SEL1L2: variants seen among roughly 807,000 people sequenced by gnomAD.
SEL1L2 encodes the protein protein sel-1 homolog 2.
In SEL1L2, 89 loss-of-function variants were observed where a neutral mutation model predicts 98.8. The observed-to-expected ratio is 0.90, with a 90% CI of 0.76 to 1.07. SEL1L2 has a LOEUF of 1.07. Ranked by LOEUF, SEL1L2 falls within the 50% of genes least tolerant of loss-of-function variation. The pLI, the probability that SEL1L2 is intolerant of heterozygous loss-of-function variation, is 0.00. For synonymous variants in SEL1L2, 262 were observed against 278.5 expected (o/e 0.94, Z 0.59); for missense variants, 788 against 812.0 (o/e 0.97, Z 0.36).
chr20:13,958,922 C>CAA (rs34641853), intron 1 of SEL1L2, among the ~76,000 whole-genome samples: 3,201 of 116,456 alleles, frequency 0.027, 70 homozygotes, highest in Non-Finnish European at 0.042. Context: ...GACTCTGTCT[C>CAA]AAAAAAAAAA....
At chr20:13,895,674 A>C (rs1319767147) in intron 5 of SEL1L2, among the ~76,000 whole-genome samples, 2 of 152,372 alleles carry the variant, frequency 1.3e-5, no homozygotes, top group African/African-American at 2.4e-5. Context: ...AATGCTTTCT[A>C]AGATCAGGAT....
chr20:13,863,091 T>C (rs995792786), intron 17 of SEL1L2, among the ~76,000 whole-genome samples: 8 of 152,098 alleles, frequency 5.3e-5, no homozygotes, highest in African/African-American at 1.4e-4. Context: ...CAAGAACTTA[T>C]AAGAATGGTG....
At chr20:13,870,599 G>A (rs1237925353) in intron 12 of SEL1L2, among the ~76,000 whole-genome samples, 1 of 152,126 alleles carries the variant, frequency 6.6e-6, no homozygotes, top group Admixed American at 6.5e-5. Flanking sequence ...ACCTCTTAGA[G>A]TCCTGTCAAA....
intron 18 of SEL1L2, among the ~76,000 whole-genome samples, chr20:13,856,097 G>A (rs919009503): frequency 6.6e-6 from 1 of 152,056 alleles, no homozygotes; most frequent in Non-Finnish European, 1.5e-5. Context: ...TGCAATTTCC[G>A]AAGTACTTAC....
intron 4 of SEL1L2, among the ~76,000 whole-genome samples, chr20:13,918,491 G>A (rs2048507733): frequency 6.6e-6 from 1 of 152,150 alleles, no homozygotes; most frequent in Non-Finnish European, 1.5e-5. Flanking sequence ...TCACCTCCCA[G>A]CTATCTGTGC....
At chr20:13,893,374 T>C (rs1169795575) in intron 5 of SEL1L2, among the ~76,000 whole-genome samples, 1 of 152,200 alleles carries the variant, frequency 6.6e-6, no homozygotes, top group African/African-American at 2.4e-5. Context: ...GCCCTACTTA[T>C]ATCAGAGAAA....
rs148661578 is a variant in SEL1L2 at position 13,898,106 on chromosome 20, A to G, written c.550-9594T>C. Reference sequence around the variant, plus strand: ...TAAAAAATTAAAAAATATAATTATCATATGATCCAGCAATTCTACTTCTGG... The same window carrying G: ...TAAAAAATTAAAAAATATAATTATCGTATGATCCAGCAATTCTACTTCTGG... On this transcript the variant is annotated intron_variant, in intron 5 of 19. Transcript: ENST00000284951. Among the ~76,000 whole-genome samples, 583 of 152,328 alleles carry G rather than the reference A, an allele frequency of 3.8e-3. 8 individuals carry two copies. The highest frequency in any genetic ancestry group is 0.035 in the Admixed American group (535 of 15,290).
At chr20:13,971,715 G>A (rs535398263) in intron 1 of SEL1L2, among the ~76,000 whole-genome samples, 19 of 152,166 alleles carry the variant, frequency 1.2e-4, no homozygotes, top group Non-Finnish European at 1.6e-4. Flanking sequence ...GATTACAGGC[G>A]TGAGCCACCG....
At chr20:13,981,381 G>T (rs2051824314) in intron 1 of SEL1L2, among the ~76,000 whole-genome samples, 1 of 152,186 alleles carries the variant, frequency 6.6e-6, no homozygotes, top group Admixed American at 6.5e-5. Flanking sequence ...TTTAGATGTT[G>T]CACAGCATGG....
chr20:13,984,660 C>G (rs1003954468), intron 1 of SEL1L2, among the ~76,000 whole-genome samples: 2 of 152,008 alleles, frequency 1.3e-5, no homozygotes, highest in Non-Finnish European at 2.9e-5. Flanking sequence ...CTCTTTCTTT[C>G]TCTCTCTCTT....
In SEL1L2 at chr20:13,865,426, G is replaced by A; in HGVS notation, c.1493C>T (p.Ser498Phe). Reference sequence around the variant, plus strand: ...TGCAAGCAGTGCATACTGAACAAGAGAAGAATCTATATCACCATCCTTATA... The same window carrying A: ...TGCAAGCAGTGCATACTGAACAAGAAAAGAATCTATATCACCATCCTTATA... Reference protein sequence around the residue: ...FAYKDGDIDSSLVQYALLAEM... With the variant: ...FAYKDGDIDSFLVQYALLAEM... Residue 498 changes from serine to phenylalanine, a missense_variant, in exon 16 of 20, where the codon TCT becomes TTT. Transcript: ENST00000284951. 1 of 1,614,134 alleles carries A rather than the reference G, an allele frequency of 6.2e-7. No individual in the cohort carries two copies. Among genetic ancestry groups the A allele is most frequent in the Non-Finnish European group, 8.5e-7 (1 of 1,180,002 alleles).
chr20:13,968,132 A>G (rs1474976181), intron 1 of SEL1L2, among the ~76,000 whole-genome samples: 3 of 152,236 alleles, frequency 2.0e-5, no homozygotes, highest in African/African-American at 7.2e-5. Context: ...CTTCAAGTGC[A>G]AAGATAGCAA....
intron 2 of SEL1L2, among the ~76,000 whole-genome samples, chr20:13,934,096 G>A (rs970326455): frequency 6.7e-6 from 1 of 149,432 alleles, no homozygotes; most frequent in Non-Finnish European, 1.5e-5. Context: ...AACCCAATTT[G>A]TAGCCTTTTA....
intron 3 of SEL1L2, among the ~76,000 whole-genome samples, chr20:13,929,264 T>C (rs896982156): frequency 6.6e-6 from 1 of 152,096 alleles, no homozygotes; most frequent in African/African-American, 2.4e-5. Context: ...ACTATTTTTT[T>C]TTTTAATCTT....
chr20:13,851,304 A>T (rs1324043853), intron 18 of SEL1L2: 1 of 152,088 alleles, frequency 6.6e-6, no homozygotes, highest in Non-Finnish European at 1.5e-5. Context: ...TACAATTCTC[A>T]TTATCTTCAT....
chr20:13,929,719 C>T (rs1435084665), intron 3 of SEL1L2, among the ~76,000 whole-genome samples: 2 of 151,628 alleles, frequency 1.3e-5, no homozygotes, highest in African/African-American at 4.8e-5. Flanking sequence ...CCAGGATGGT[C>T]TCGATCTCCT....
At chr20:13,896,301 C>T (rs1003958512) in intron 5 of SEL1L2, among the ~76,000 whole-genome samples, 6 of 152,228 alleles carry the variant, frequency 3.9e-5, no homozygotes, top group East Asian at 1.9e-4. Flanking sequence ...GAAACCCCGT[C>T]TCTATTAAAA....
intron 17 of SEL1L2, among the ~76,000 whole-genome samples, chr20:13,861,260 C>T (rs979321181): frequency 5.3e-5 from 8 of 151,948 alleles, no homozygotes; most frequent in African/African-American, 1.5e-4. Context: ...ACTGCAACCT[C>T]AGCCTCCCAA....
At chr20:13,959,775 T>C (rs1240477791) in intron 1 of SEL1L2, among the ~76,000 whole-genome samples, 2 of 152,234 alleles carry the variant, frequency 1.3e-5, no homozygotes, top group East Asian at 3.8e-4. Context: ...GGCAAAAATG[T>C]GTTGATTGCA....
Sources: gnomAD v4.1 joint callset for allele counts (sites outside exome capture counted in the v4.1 genomes callset) on GRCh38, gnomAD v4.1.1 for gene constraint, MANE v1.5 for transcripts, NCBI Gene and HGNC (gene_info 2026-07-23, HGNC 2026-07-21) for gene names.